Variants in CUL9 observed in about 807,000 individuals in gnomAD.
CUL9 encodes cullin 9.
CUL9 carries 79 observed loss-of-function variants against 272.6 expected under a neutral mutation model. The ratio of observed to expected loss-of-function variants is 0.29; its 90% CI spans 0.24 to 0.35. The LOEUF is 0.35. Among genes scored for constraint, CUL9 ranks in the 10% least tolerant of loss-of-function variants. The probability of loss-of-function intolerance (pLI) is 1.00; values close to 1 mark genes in which losing one functional copy is unlikely to be tolerated. For missense variants in CUL9, 2,532 were observed against 3,255.6 expected (o/e 0.78, Z 5.41); for synonymous variants, 1,186 against 1,286.5 (o/e 0.92, Z 1.67).
chr6:43,208,941 C>T (rs1218428930), intron 26 of CUL9, among the ~76,000 whole-genome samples: 1 of 151,960 alleles, frequency 6.6e-6, no homozygotes, highest in African/African-American at 2.4e-5. Context: ...GCCTCCCAGG[C>T]TCAAGTGATC....
chr6:43,223,587 C>A lies in CUL9; in HGVS notation c.7284+190C>A. On this transcript the variant is annotated intron_variant, in intron 39 of 40. Transcript: ENST00000252050. This position sits in a 1 kb window ranked among gnomAD's most constrained non-coding sequence, Gnocchi z 4.1. ...CTGATGCTGCTGGACCCTATCACTT[C>A]ACCTCCTGGGGATTCCTACAAAATA... 1 of 688,780 alleles carries A rather than the reference C, an allele frequency of 1.5e-6. No individual in the cohort carries two copies. The highest frequency in any genetic ancestry group is 2.4e-6 in the Non-Finnish European group (1 of 421,114). 42.7% of individuals were successfully genotyped at this position (688,780 alleles called of 1,614,324 possible).
intron 30 of CUL9, 47 bp from the exon 31 acceptor site, chr6:43,216,111 G>C: frequency 6.5e-7 from 1 of 1,547,316 alleles, no homozygotes; most frequent in Non-Finnish European, 8.8e-7. Context: ...TAGTAGGCTG[G>C]ATAGCAGGGC....
At position 43,199,478 on chromosome 6, in the gene CUL9, G is replaced by A; in HGVS notation, c.3156+107G>A. Reference sequence around the variant, plus strand: ...CAGAGCCTTTCTGAATGGATCTTGGGGCACTGGGATGGGTGTAGGAGGAGG... The same window carrying A: ...CAGAGCCTTTCTGAATGGATCTTGGAGCACTGGGATGGGTGTAGGAGGAGG... On this transcript the variant is annotated intron_variant, in intron 13 of 40. Coordinates refer to ENST00000252050, the MANE Select transcript of CUL9 (RefSeq NM_015089.4). The surrounding 1 kb of genome is among the most constrained non-coding windows in gnomAD (Gnocchi z 4.4). 1.2e-6 allele frequency: 1 copy of A among 823,448 alleles called. No homozygotes were observed. Among genetic ancestry groups the A allele is most frequent in the Middle Eastern group, 2.9e-4 (1 of 3,444 alleles). The allele number at this position is 823,448 out of a possible 1,614,324, so 51.0% of individuals were successfully genotyped here.
At position 43,213,547 on chromosome 6, in the gene CUL9, G is replaced by A; in HGVS notation, c.5468G>A (p.Gly1823Asp). The A allele has an allele frequency of 1.2e-6, 2 of 1,613,554 alleles. No individual in the cohort carries two copies. The highest frequency in any genetic ancestry group is 1.7e-6 in the Non-Finnish European group (2 of 1,179,866). The stretch of plus-strand genomic sequence containing the variant: ...AATGGCCCTTTGACCCTGCATGAGG[G>A]CCAGGACTTTCCACACGGGGGTAGG... ...SGNGPLTLHE[G>D]QDFPHGGVLR... The change falls in exon 28 of 41, where the codon GGC (glycine) becomes GAC (aspartate). Residue 1823 changes from glycine (G) to aspartate (D), a missense_variant. Coordinates refer to ENST00000252050, the MANE Select transcript of CUL9 (RefSeq NM_015089.4). The surrounding 1 kb of genome is among the most constrained non-coding windows in gnomAD (Gnocchi z 5.7).
chr6:43,223,015 T>C lies in CUL9; in HGVS notation c.7150+119T>C. 1.1e-6 allele frequency: 1 copy of C among 950,308 alleles called. No individual in the cohort carries two copies. The highest frequency in any genetic ancestry group is 2.4e-5 in the East Asian group (1 of 41,036). 58.9% of individuals were successfully genotyped at this position (950,308 alleles called of 1,614,324 possible). ...CTTCCCTCTCTCCTCTTCCTCTTCA[T>C]TCTTCATGGCCTTCTCACTGCCTGG... On this transcript the variant is annotated intron_variant, in intron 38 of 40. Coordinates refer to ENST00000252050, the MANE Select transcript of CUL9 (RefSeq NM_015089.4). The surrounding 1 kb of genome is among the most constrained non-coding windows in gnomAD (Gnocchi z 4.1).
At position 43,224,260 on chromosome 6, in the gene CUL9, T is replaced by G. The variant is rs759389610; in HGVS notation, c.7369T>G (p.Ser2457Ala). 2.6e-5 allele frequency: 42 copies of G among 1,614,076 alleles called. No individual in the cohort carries two copies. The highest frequency in any genetic ancestry group is 2.8e-5 in the Non-Finnish European group (33 of 1,179,980). Residue 2457 changes from serine to alanine, a missense_variant, in exon 41 of 41, where the codon TCC (serine) becomes GCC (alanine). Coordinates refer to ENST00000252050, the MANE Select transcript of CUL9 (RefSeq NM_015089.4). This position sits in a 1 kb window ranked among gnomAD's most constrained non-coding sequence, Gnocchi z 4.2. ...GGTGGCTCTCCCTAGGCCCCAGGCC[T>G]CCTCAGGGCCAGAGGCAGAAGAGGA... ...PNMPGSQPQA[S>A]SGPEAEEEEE...
chr6:43,186,564 G>C, intron 4 of CUL9, 109 bp downstream of exon 4: 1 of 1,439,960 alleles, frequency 6.9e-7, no homozygotes, highest in Admixed American at 2.5e-5. Context: ...AACCCCCCTG[G>C]GGAATTGGAA....
chr6:43,220,407 C>CA lies in CUL9; in HGVS notation c.6283-52_6283-51insA. On this transcript the variant is annotated intron_variant, in intron 31 of 40. Coordinates refer to ENST00000252050, the MANE Select transcript of CUL9 (RefSeq NM_015089.4). The surrounding 1 kb of genome is among the most constrained non-coding windows in gnomAD (Gnocchi z 4.9). The stretch of plus-strand genomic sequence containing the variant: ...TAGCTTAGTTACCAGGACACTCCCC[C>CA]TGTGCTGCTCCCACACTGTCTGTGA... 1 of 1,604,574 alleles carries CA rather than the reference C, an allele frequency of 6.2e-7. No homozygotes were observed. The highest frequency in any genetic ancestry group is 8.5e-7 in the Non-Finnish European group (1 of 1,173,540).
intron 26 of CUL9, among the ~76,000 whole-genome samples, chr6:43,208,106 A>C (rs937649143): frequency 1.3e-5 from 2 of 152,238 alleles, no homozygotes; most frequent in Admixed American, 6.5e-5. Context: ...TCTTTTCTGC[A>C]CCGTTCAGTA....
Position 43,187,980 on chromosome 6 carries a change from G to A in CUL9, c.1849G>A (p.Glu617Lys), listed in dbSNP as rs145911635. 14,458 of 1,613,872 alleles carry A rather than the reference G, an allele frequency of 9.0e-3. 102 individuals carry two copies. The highest frequency in any genetic ancestry group is 0.02 in the Middle Eastern group (121 of 6,062). The part of the protein sequence containing the change: ...EETESLKAKA[E>K]APKTEAEPTK... Reference sequence around the variant, plus strand: ...GACTGAGTCCCTCAAAGCAAAGGCCGAGGCCCCTAAGACAGAGGCCGAGCC... The same window carrying A: ...GACTGAGTCCCTCAAAGCAAAGGCCAAGGCCCCTAAGACAGAGGCCGAGCC... The change falls in exon 7 of 41, where the codon GAG becomes AAG. Residue 617 changes from glutamate to lysine, a missense_variant. Transcript: ENST00000252050.
Position 43,218,018 on chromosome 6 carries a change from G to T in CUL9, c.6282+1515G>T, listed in dbSNP as rs1183667081. 1.3e-5 allele frequency among the ~76,000 whole-genome samples: 2 copies of T among 152,108 alleles called. No individual in the cohort carries two copies. The highest frequency in any genetic ancestry group is 6.6e-5 in the Admixed American group (1 of 15,262). On this transcript the variant is annotated intron_variant, in intron 31 of 40. Transcript: ENST00000252050. The surrounding 1 kb of genome is among the most constrained non-coding windows in gnomAD (Gnocchi z 4.4). ...TCAGAGGTGAAGTAATTTGCCAAAG[G>T]TCAGGATTTGAATTTTGGCAGTCTC...
intron 10 of CUL9, 145 bp downstream of exon 10, chr6:43,196,410 G>A: frequency 1.1e-6 from 1 of 871,266 alleles, no homozygotes; most frequent in East Asian, 2.6e-5. Flanking sequence ...AACTGTTGTT[G>A]GAGGAGAACC....
chr6:43,214,493 C>T (rs987672979), intron 29 of CUL9, among the ~76,000 whole-genome samples: 1 of 151,882 alleles, frequency 6.6e-6, no homozygotes, highest in Non-Finnish European at 1.5e-5. Context: ...CAGATAAGAA[C>T]AGTGAAGTAT....
At chr6:43,216,062 A>G (rs1775905172) in intron 30 of CUL9, 96 bp from the exon 31 acceptor site, 2 of 1,167,842 alleles carry the variant, frequency 1.7e-6, no homozygotes, top group Middle Eastern at 2.2e-4. Context: ...GCGAGCAAGT[A>G]TGCTCAAAGA....
In CUL9 at chr6:43,199,913, G is replaced by T; in HGVS notation, c.3157-16G>T. 6.3e-7 allele frequency: 1 copy of T among 1,596,446 alleles called. No individual in the cohort carries two copies. The highest frequency in any genetic ancestry group is 8.6e-7 in the Non-Finnish European group (1 of 1,164,260). On this transcript the variant is annotated splice_polypyrimidine_tract_variant and intron_variant, in intron 13 of 40. Transcript: ENST00000252050. The surrounding 1 kb of genome is among the most constrained non-coding windows in gnomAD (Gnocchi z 4.4). ...TCTTGTTTCCTGTAAATTAATCTAT[G>T]TGGCTCTGGGCTCAGATTGTTCAGG...
rs1774249420 is a variant in CUL9 at position 43,198,815 on chromosome 6, G to T, written c.3010G>T (p.Ala1004Ser). The T allele has an allele frequency of 4.3e-6, 7 of 1,613,780 alleles. No individual in the cohort carries two copies. Among genetic ancestry groups the T allele is most frequent in the Non-Finnish European group, 5.9e-6 (7 of 1,180,044 alleles). ...PFLLLLRTLD[A>S]PGPNKTLLLS... is the part of the protein sequence containing the mutation. Reference sequence around the variant, plus strand: ...CCTCCTGTTGCTGCGGACTCTGGATGCTCCGGGGCCCAACAAGACTCTGCT... The same window carrying T: ...CCTCCTGTTGCTGCGGACTCTGGATTCTCCGGGGCCCAACAAGACTCTGCT... Residue 1004 changes from alanine (A) to serine (S), a missense_variant, in exon 12 of 41, where the codon GCT becomes TCT. This residue lies in a region of CUL9 where 2,218 missense variants were observed against 2,788.6 expected (regional missense o/e 0.80). Transcript: ENST00000252050.
intron 9 of CUL9, among the ~76,000 whole-genome samples, chr6:43,194,432 C>T (rs1280111036): frequency 6.6e-6 from 1 of 152,008 alleles, no homozygotes; most frequent in East Asian, 1.9e-4. Flanking sequence ...GATTCTCCCG[C>T]CTCAGCCTCC....
At position 43,199,235 on chromosome 6, in the gene CUL9, C is replaced by T. The variant is rs371289156; in HGVS notation, c.3051-31C>T. 14 of 1,568,410 alleles carry T rather than the reference C, an allele frequency of 8.9e-6. No homozygotes were observed. The highest frequency in any genetic ancestry group is 1.1e-5 in the Non-Finnish European group (12 of 1,139,578). On this transcript the variant is annotated intron_variant, in intron 12 of 40. Transcript: ENST00000252050. This position sits in a 1 kb window ranked among gnomAD's most constrained non-coding sequence, Gnocchi z 4.4. ...ACAGGCATGAGCCACTGTGCCTGGC[C>T]TGACTTCACTCGTTTCTACCCCCTC...
At position 43,206,940 on chromosome 6, in the gene CUL9, G is replaced by A. The variant is rs1775091499; in HGVS notation, c.5212+430G>A. On this transcript the variant is annotated intron_variant, in intron 26 of 40. Transcript: ENST00000252050. The surrounding 1 kb of genome is among the most constrained non-coding windows in gnomAD (Gnocchi z 4.8). ...GCTCACTGCAGCCTCTACCTCCCGG[G>A]TTCAAGCGATTCTCCTGTCTCAGCC... is the stretch of plus-strand genomic sequence containing the variant. 6.6e-6 allele frequency among the ~76,000 whole-genome samples: 1 copy of A among 152,070 alleles called. No individual in the cohort carries two copies. The highest frequency in any genetic ancestry group is 1.5e-5 in the Non-Finnish European group (1 of 68,018).
Sources: gnomAD v4.1 joint callset for allele counts (sites outside exome capture counted in the v4.1 genomes callset) on GRCh38, gnomAD v4.1.1 for gene constraint, gnomAD v4.1.1 regional missense constraint, Gnocchi (gnomAD v3.1) non-coding constraint, MANE v1.5 for transcripts, NCBI Gene and HGNC (gene_info 2026-07-23, HGNC 2026-07-21) for gene names.